LRMDA: variants seen among roughly 807,000 people sequenced by gnomAD.
The protein encoded by LRMDA is leucine rich melanocyte differentiation associated.
A neutral mutation model predicts 29.8 loss-of-function variants in LRMDA; 18 were observed. The ratio of observed to expected loss-of-function variants is 0.60; its 90% CI spans 0.42 to 0.90. The LOEUF is 0.90. Ranked by LOEUF, LRMDA falls within the 40% of genes least tolerant of loss-of-function variation. LRMDA has a pLI of 0.00. For missense variants in LRMDA, 273 were observed against 273.9 expected (o/e 1.00, Z 0.02); for synonymous variants, 125 against 109.4 (o/e 1.14, Z -0.89).
chr10:76,119,931 A>G (rs1253124658), intron 5 of LRMDA, among the ~76,000 whole-genome samples: 3 of 152,138 alleles, frequency 2.0e-5, no homozygotes, highest in African/African-American at 7.2e-5. Flanking sequence ...TATGTTACCT[A>G]GTTCAAGTCT....
At chr10:75,620,875 G>C (rs997349677) in intron 2 of LRMDA, among the ~76,000 whole-genome samples, 10 of 152,034 alleles carry the variant, frequency 6.6e-5, no homozygotes, top group African/African-American at 2.4e-4. Flanking sequence ...TGGCCAACAG[G>C]TGGTGTTTTG....
chr10:76,070,121 T>C (rs1196905940), intron 5 of LRMDA, among the ~76,000 whole-genome samples: 1 of 152,212 alleles, frequency 6.6e-6, no homozygotes, highest in Non-Finnish European at 1.5e-5. Flanking sequence ...CAGGAGCTAA[T>C]GCAGGCTCTG....
intron 2 of LRMDA, among the ~76,000 whole-genome samples, chr10:75,927,323 T>C (rs752994423): frequency 1.1e-4 from 17 of 152,218 alleles, no homozygotes; most frequent in Non-Finnish European, 2.4e-4. Flanking sequence ...CATAAACCAC[T>C]GTAAAACTGT....
intron 5 of LRMDA, among the ~76,000 whole-genome samples, chr10:76,194,321 A>G (rs930905621): frequency 6.6e-6 from 1 of 152,172 alleles, no homozygotes; most frequent in African/African-American, 2.4e-5. Flanking sequence ...GGAAGGGAAA[A>G]TCTGAGGCTC....
chr10:76,438,994 A>G (rs1842273564), intron 6 of LRMDA, among the ~76,000 whole-genome samples: 1 of 152,216 alleles, frequency 6.6e-6, no homozygotes, highest in South Asian at 2.1e-4. Context: ...AGCCTAAGTG[A>G]ACTATGATGA....
intron 5 of LRMDA, among the ~76,000 whole-genome samples, chr10:76,282,724 T>A (rs1277036894): frequency 6.6e-6 from 1 of 152,194 alleles, no homozygotes; most frequent in East Asian, 1.9e-4. Flanking sequence ...TTTGTCTCTT[T>A]TATATCCCCT....
At chr10:76,101,970 A>G (rs1477407477) in intron 5 of LRMDA, among the ~76,000 whole-genome samples, 1 of 152,136 alleles carries the variant, frequency 6.6e-6, no homozygotes, top group East Asian at 1.9e-4. Flanking sequence ...TCTATTTCTT[A>G]TAAATATTAT....
At chr10:76,459,175 G>T (rs1359921605) in intron 6 of LRMDA, among the ~76,000 whole-genome samples, 1 of 152,120 alleles carries the variant, frequency 6.6e-6, no homozygotes, top group Non-Finnish European at 1.5e-5. Context: ...ATAAGGGCTG[G>T]CTGGAAATCA....
At chr10:75,890,380 T>G (rs574357562) in intron 2 of LRMDA, among the ~76,000 whole-genome samples, 25 of 152,354 alleles carry the variant, frequency 1.6e-4, no homozygotes, top group Admixed American at 1.3e-3. Flanking sequence ...GGGAATAGCA[T>G]ACCCTTCCCT....
chr10:76,149,118 A>G lies in LRMDA; in HGVS notation c.516+90335A>G, dbSNP rs191360192. On this transcript the variant is annotated intron_variant, in intron 5 of 6. Coordinates refer to ENST00000611255, the MANE Select transcript of LRMDA (RefSeq NM_001305581.2). The stretch of plus-strand genomic sequence containing the variant: ...AAGTGGGTGTAAAGTGGTATCCCCT[A>G]GAATTTTGGTTTGAATGTTCATCTT... Among the ~76,000 whole-genome samples, 170 of 152,328 alleles carry G rather than the reference A, an allele frequency of 1.1e-3. 1 individual carries two copies. Among genetic ancestry groups the G allele is most frequent in the African/African-American group, 3.9e-3 (162 of 41,576 alleles).
chr10:75,712,776 C>T (rs375821690), intron 2 of LRMDA, among the ~76,000 whole-genome samples: 2 of 152,070 alleles, frequency 1.3e-5, no homozygotes, highest in South Asian at 2.1e-4. Context: ...CAGGGTCTGC[C>T]AGGCTTTCTT....
intron 5 of LRMDA, among the ~76,000 whole-genome samples, chr10:76,205,988 A>G (rs1002911624): frequency 3.3e-5 from 5 of 152,200 alleles, no homozygotes; most frequent in African/African-American, 1.2e-4. Context: ...CCAGTGACCC[A>G]TACGCATGGG....
intron 2 of LRMDA, among the ~76,000 whole-genome samples, chr10:75,600,233 C>T (rs755803883): frequency 8.5e-5 from 13 of 152,222 alleles, no homozygotes; most frequent in Non-Finnish European, 1.3e-4. Context: ...CTTCTTTCCA[C>T]AGCATTCTTT....
chr10:76,037,424 G>A (rs1848268556), intron 3 of LRMDA, among the ~76,000 whole-genome samples: 1 of 152,230 alleles, frequency 6.6e-6, no homozygotes, highest in Non-Finnish European at 1.5e-5. Flanking sequence ...ATATGCATAT[G>A]CCAGCATTTA....
At chr10:75,457,890 T>G (rs1260792061) in intron 2 of LRMDA, among the ~76,000 whole-genome samples, 1 of 111,752 alleles carries the variant, frequency 8.9e-6, no homozygotes, top group African/African-American at 3.7e-5. Flanking sequence ...CCATTTTTTC[T>G]TTTTACTTTT....
rs1178260512 is a variant in LRMDA, at chr10:75,612,685, T to C, written c.131+174191T>C. On this transcript the variant is annotated intron_variant, in intron 2 of 6. Transcript: ENST00000611255. ...AAATATATAAAAATATATTTTTGAG[T>C]AGTGGATTTAGAGAGGCAATAGTGT... 2.1e-4 allele frequency among the ~76,000 whole-genome samples: 32 copies of C among 149,566 alleles called. 1 individual carries two copies. The highest frequency in any genetic ancestry group is 1.5e-5 in the Non-Finnish European group (1 of 67,522).
intron 5 of LRMDA, among the ~76,000 whole-genome samples, chr10:76,198,577 T>G (rs1200724638): frequency 1.3e-5 from 2 of 152,194 alleles, no homozygotes; most frequent in Non-Finnish European, 2.9e-5. Context: ...GTTTATAACT[T>G]ACAGGTCTTT....
At chr10:76,124,217 G>A (rs950084569) in intron 5 of LRMDA, among the ~76,000 whole-genome samples, 2 of 152,186 alleles carry the variant, frequency 1.3e-5, no homozygotes, top group African/African-American at 2.4e-5. Flanking sequence ...ATGAAAGGGG[G>A]TTGGGATTTT....
chr10:76,277,982 G>A (rs1287547866), intron 5 of LRMDA, among the ~76,000 whole-genome samples: 1 of 151,414 alleles, frequency 6.6e-6, no homozygotes, highest in Non-Finnish European at 1.5e-5. Context: ...GTACCCAGTT[G>A]TTAGTTTTCT....
Sources: allele counts gnomAD v4.1 joint callset (sites outside exome capture counted in the v4.1 genomes callset), GRCh38; gene constraint gnomAD v4.1.1; transcripts MANE v1.5; gene names NCBI Gene and HGNC (gene_info 2026-07-23, HGNC 2026-07-21).